The following TOP2B variants were observed in gnomAD, a reference collection of about 807,000 sequenced individuals.
The protein encoded by TOP2B is DNA topoisomerase II beta, also known as DNA topoisomerase 2-beta.
A neutral mutation model predicts 193.5 loss-of-function variants in TOP2B; 51 were observed. That is an observed-to-expected ratio of 0.26 (90% CI 0.21 to 0.33). The LOEUF is 0.33. TOP2B is among the 10% of genes least tolerant of loss of function. The probability of loss-of-function intolerance (pLI) is 1.00; values close to 1 mark genes in which losing one functional copy is unlikely to be tolerated. For synonymous variants in TOP2B, 634 were observed against 635.7 expected (o/e 1.00, Z 0.04); for missense variants, 1,378 against 1,909.3 (o/e 0.72, Z 5.19).
At chr3:25,630,697 G>A (rs1475803841) in intron 11 of TOP2B, 104 bp downstream of exon 11, 1 of 1,133,626 alleles carries the variant, frequency 8.8e-7, no homozygotes, top group African/African-American at 1.6e-5. Flanking sequence ...ATCATACTCT[G>A]AATGGAAAAT....
At chr3:25,613,130 A>C (rs551064412) in intron 27 of TOP2B, among the ~76,000 whole-genome samples, 13 of 152,262 alleles carry the variant, frequency 8.5e-5, no homozygotes, top group African/African-American at 2.9e-4. Context: ...ATGAAAAAAA[A>C]CCTCCTAAAT....
chr3:25,645,782 CAG>C (rs1341690175), intron 1 of TOP2B, among the ~76,000 whole-genome samples: 1 of 152,074 alleles, frequency 6.6e-6, no homozygotes, highest in Non-Finnish European at 1.5e-5. Context: ...GTTTTTGAGA[CAG>C]AGTCTTGCTC....
At position 25,664,214 on chromosome 3, in the gene TOP2B, G is replaced by A. The variant is rs1559513809; in HGVS notation, c.69+15C>T. 1 of 1,539,288 alleles carries A rather than the reference G, an allele frequency of 6.5e-7. No homozygotes were observed. ...GGAACAATGCAGCCGCCCGTCCCGGGGACCAGCCACTTACCACCCAGGTCA... is the reference window on the plus strand; with the variant it reads ...GGAACAATGCAGCCGCCCGTCCCGGAGACCAGCCACTTACCACCCAGGTCA... On this transcript the variant is annotated intron_variant, in intron 1 of 35. Coordinates refer to ENST00000264331, the MANE Select transcript of TOP2B (RefSeq NM_001330700.2).
At position 25,630,112 on chromosome 3, in the gene TOP2B, C is replaced by T; in HGVS notation, c.1606G>A (p.Gly536Ser). The change falls in exon 13 of 36, where the codon GGT becomes AGT. Residue 536 changes from glycine (G) to serine (S), a missense_variant. Coordinates refer to ENST00000264331, the MANE Select transcript of TOP2B (RefSeq NM_001330700.2). ...TCGTAACTTTTCTTATATTGTAGAC[C>T]AACTATTTTAATAATATTATTTATT... is the stretch of plus-strand genomic sequence containing the variant. ...AEINNIIKIV[G>S]LQYKKSYDDA... 6.3e-7 allele frequency: 1 copy of T among 1,590,040 alleles called. No homozygotes were observed. The highest frequency in any genetic ancestry group is 8.6e-7 in the Non-Finnish European group (1 of 1,166,634).
rs764678029 is a variant in TOP2B at position 25,645,312 on chromosome 3, C to T, written c.228G>A (p.Glu76=). 1 of 1,582,856 alleles carries T rather than the reference C, an allele frequency of 6.3e-7. No individual in the cohort carries two copies. The highest frequency in any genetic ancestry group is 1.2e-5 in the South Asian group (1 of 85,740). The change falls in exon 2 of 36, where the codon GAG becomes GAA. Residue 76 remains glutamate, a synonymous_variant. Transcript: ENST00000264331. Reference sequence around the variant, plus strand: ...TAGCAATAATTACCTGCGTCAATGGCTCCACTGACCCAATATATGTATCAG... The same window carrying T: ...TAGCAATAATTACCTGCGTCAATGGTTCCACTGACCCAATATATGTATCAG... ...LRPDTYIGSV[E]PLTQFMWVYD... is the part of the protein sequence containing the mutation.
chr3:25,623,751 T>C lies in TOP2B; in HGVS notation c.2496-5A>G, dbSNP rs748784988. 17 of 1,587,204 alleles carry C rather than the reference T, an allele frequency of 1.1e-5. No individual in the cohort carries two copies. The highest frequency in any genetic ancestry group is 1.7e-4 in the Middle Eastern group (1 of 5,990). On this transcript the variant is annotated splice_region_variant and splice_polypyrimidine_tract_variant and intron_variant, in intron 20 of 35. Coordinates refer to ENST00000264331, the MANE Select transcript of TOP2B (RefSeq NM_001330700.2). Reference sequence around the variant, plus strand: ...AAAAGTAGCCTTGCTAAAGTGCTAATGAAAACAAAAAGAAGCAAATGAAAA... The same window carrying C: ...AAAAGTAGCCTTGCTAAAGTGCTAACGAAAACAAAAAGAAGCAAATGAAAA...
At position 25,601,179 on chromosome 3, in the gene TOP2B, T is replaced by C. The variant is rs779012603; in HGVS notation, c.4536A>G (p.Lys1512=). 5 of 1,613,772 alleles carry C rather than the reference T, an allele frequency of 3.1e-6. No homozygotes were observed. In the South Asian group the frequency reaches 5.5e-5, roughly 18 times the overall value. The change falls in exon 34 of 36, where the codon AAA becomes AAG. Residue 1512 remains lysine, a synonymous_variant. Coordinates refer to ENST00000264331, the MANE Select transcript of TOP2B (RefSeq NM_001330700.2). ...TTACAGCCTCTACTACTTTCTTCTGTTTTGGGGCTCTCTTGGGCTTAGGGA... is the reference window on the plus strand; with the variant it reads ...TTACAGCCTCTACTACTTTCTTCTGCTTTGGGGCTCTCTTGGGCTTAGGGA... ...DTVPKPKRAP[K]QKKVVEAVNS...
chr3:25,613,633 T>C (rs1205301071), intron 27 of TOP2B, among the ~76,000 whole-genome samples: 1 of 151,484 alleles, frequency 6.6e-6, no homozygotes, highest in Non-Finnish European at 1.5e-5. Flanking sequence ...GAGACTAAGG[T>C]AGGAGGACTG....
intron 6 of TOP2B, 115 bp from the exon 7 acceptor site, chr3:25,636,263 C>A (rs1703101930): frequency 1.5e-6 from 1 of 673,264 alleles, no homozygotes; most frequent in Non-Finnish European, 2.4e-6. Flanking sequence ...TACAACTTCA[C>A]AACAAACCAA....
rs1255566788 is a variant in TOP2B, at chr3:25,598,259, A to AGGACAACACAAGATATTTGT, written c.*28_*47dup. On this transcript the variant is annotated 3_prime_UTR_variant, in exon 36 of 36. Coordinates refer to ENST00000264331, the MANE Select transcript of TOP2B (RefSeq NM_001330700.2). The stretch of plus-strand genomic sequence containing the variant: ...AAAAGTCTGAGACAGAGAAGACAAA[A>AGGACAACACAAGATATTTGT]GGACAACACAAGATATTTGTTGAAA... 3 of 1,532,688 alleles carry AGGACAACACAAGATATTTGT rather than the reference A, an allele frequency of 2.0e-6. No homozygotes were observed. Among genetic ancestry groups the AGGACAACACAAGATATTTGT allele is most frequent in the East Asian group, 2.3e-5 (1 of 43,488 alleles). The allele number at this position is 1,532,688 out of a possible 1,614,324, so 94.9% of individuals were successfully genotyped here. A position where few individuals can be genotyped will look rare whatever the true frequency, so the allele number is the denominator to read the frequency against.
rs1702478128 is a variant in TOP2B, at chr3:25,615,420, A to G, written c.3507+11T>C. 3 of 1,540,666 alleles carry G rather than the reference A, an allele frequency of 1.9e-6. No homozygotes were observed. The highest frequency in any genetic ancestry group is 2.6e-6 in the Non-Finnish European group (3 of 1,146,966). ...ATAGTTTCAAACTATTTAACCCACA[A>G]AAGTTCATACTTTTGCATCTCTCTG... On this transcript the variant is annotated intron_variant, in intron 26 of 35. Coordinates refer to ENST00000264331, the MANE Select transcript of TOP2B (RefSeq NM_001330700.2).
intron 3 of TOP2B, 92 bp downstream of exon 3, chr3:25,643,602 A>T: frequency 1.1e-6 from 1 of 935,444 alleles, no homozygotes; most frequent in Non-Finnish European, 1.6e-6. Flanking sequence ...TACACCTTTC[A>T]AATTTATACT....
Position 25,645,465 on chromosome 3 carries a change from A to G in TOP2B, c.75T>C (p.Leu25=), listed in dbSNP as rs371399864. 1 of 1,603,362 alleles carries G rather than the reference A, an allele frequency of 6.2e-7. No homozygotes were observed. Among genetic ancestry groups the G allele is most frequent in the Non-Finnish European group, 8.5e-7 (1 of 1,175,344 alleles). Residue 25 remains leucine (L), a synonymous_variant, in exon 2 of 36, where the codon CTT becomes CTC. Coordinates refer to ENST00000264331, the MANE Select transcript of TOP2B (RefSeq NM_001330700.2). The part of the protein sequence containing the change: ...GGNGALTWVT[L]FDQNNAAKKE... ...TTTTTGCAGCATTGTTCTGATCAAA[A>G]AGAGTCTAAAATTAACCAAAAAATC...
chr3:25,612,285 T>C (rs1453823677), intron 28 of TOP2B, among the ~76,000 whole-genome samples: 1 of 152,162 alleles, frequency 6.6e-6, no homozygotes, highest in Non-Finnish European at 1.5e-5. Context: ...GTGGAGTGTT[T>C]CTATTTCTCA....
In TOP2B at chr3:25,654,337, T is replaced by C. The variant is rs528644601; in HGVS notation, c.70-8867A>G. On this transcript the variant is annotated intron_variant, in intron 1 of 35. Transcript: ENST00000264331. ...ATTATGAAAACAATCCCATTTACTA[T>C]AGCATCAAAAAGGATAAACTACCAC... Among the ~76,000 whole-genome samples, 25 of 152,146 alleles carry C rather than the reference T, an allele frequency of 1.6e-4. No homozygotes were observed. In the East Asian group the frequency reaches 3.9e-3, roughly 24 times the overall value.
intron 21 of TOP2B, among the ~76,000 whole-genome samples, chr3:25,621,285 C>T (rs533133340): frequency 6.6e-6 from 1 of 152,288 alleles, no homozygotes; most frequent in African/African-American, 2.4e-5. Context: ...AGGCCCAACC[C>T]CATTCCATTC....
chr3:25,612,041 C>T (rs950856839), intron 28 of TOP2B, among the ~76,000 whole-genome samples: 4 of 151,970 alleles, frequency 2.6e-5, no homozygotes, highest in Non-Finnish European at 5.9e-5. Flanking sequence ...CTCCCGGGTT[C>T]GCACCATTCT....
chr3:25,626,995 C>A, intron 16 of TOP2B, 131 bp from the exon 17 acceptor site: 1 of 717,564 alleles, frequency 1.4e-6, no homozygotes, highest in East Asian at 2.7e-5. Flanking sequence ...ATATTTTAAT[C>A]AAAAACACAT....
At chr3:25,632,285 C>T (rs3736603) in intron 10 of TOP2B, among the ~76,000 whole-genome samples, 161 bp downstream of exon 10, 39,946 of 151,870 alleles carry the variant, frequency 0.26, 5,362 homozygotes, top group East Asian at 0.31. Flanking sequence ...TTAAAGTCTA[C>T]CCTTTAAAGT....
Sources: gnomAD v4.1 joint callset for allele counts (sites outside exome capture counted in the v4.1 genomes callset) on GRCh38, gnomAD v4.1.1 for gene constraint, MANE v1.5 for transcripts, NCBI Gene and HGNC (gene_info 2026-07-23, HGNC 2026-07-21) for gene names.